CAMTA1: variants seen among roughly 807,000 people sequenced by gnomAD.
CAMTA1 encodes calmodulin-binding transcription activator 1.
CAMTA1 carries 27 observed loss-of-function variants against 170.9 expected under a neutral mutation model. That is an observed-to-expected ratio of 0.16 (90% confidence interval 0.12 to 0.22). The LOEUF (loss-of-function observed/expected upper bound fraction) is 0.22. Ranked by LOEUF, CAMTA1 falls within the 10% of genes least tolerant of loss-of-function variation. The pLI, the probability that CAMTA1 is intolerant of heterozygous loss-of-function variation, is 1.00. For missense variants in CAMTA1, 1,619 were observed against 2,217.2 expected, an observed-to-expected ratio of 0.73 and a Z score of 5.42; for synonymous variants, 833 against 891.5, an observed-to-expected ratio of 0.93 and a Z score of 1.17.
rs1339249526 is a variant in CAMTA1 at position 7,333,033 on chromosome 1, C to T, written c.438+83407C>T. On this transcript the variant is annotated intron_variant, in intron 5 of 22. Transcript: ENST00000303635. The surrounding 1 kb of genome is among the most constrained non-coding windows in gnomAD (Gnocchi z 4.4). Reference sequence around the variant, plus strand: ...TCCATGAGAGGGGGCAAGTGTGAAGCCCTTTATGGTCTGTTTCCTTGCATT... The same window carrying T: ...TCCATGAGAGGGGGCAAGTGTGAAGTCCTTTATGGTCTGTTTCCTTGCATT... 1.3e-5 allele frequency among the ~76,000 whole-genome samples: 2 copies of T among 152,164 alleles called. No individual in the cohort carries two copies. The highest frequency in any genetic ancestry group is 4.8e-5 in the African/African-American group (2 of 41,442).
At chr1:6,981,198 G>A (rs1289897065) in intron 3 of CAMTA1, among the ~76,000 whole-genome samples, 1 of 152,154 alleles carries the variant, frequency 6.6e-6, no homozygotes, top group Non-Finnish European at 1.5e-5. Flanking sequence ...AAGGTGCCAA[G>A]TTGAAGAAAA....
chr1:7,423,875 G>T (rs760022815), intron 5 of CAMTA1, among the ~76,000 whole-genome samples: 10 of 152,112 alleles, frequency 6.6e-5, no homozygotes, highest in Non-Finnish European at 1.2e-4. Flanking sequence ...GGTACGGGGC[G>T]AGAGGACAGA....
chr1:7,416,443 G>T (rs1400396673), intron 5 of CAMTA1, among the ~76,000 whole-genome samples: 2 of 152,172 alleles, frequency 1.3e-5, no homozygotes, highest in Non-Finnish European at 2.9e-5. Flanking sequence ...ATATTTCTTG[G>T]AGACTTTTTT....
intron 5 of CAMTA1, among the ~76,000 whole-genome samples, chr1:7,308,391 T>G (rs1358716161): frequency 6.6e-6 from 1 of 152,064 alleles, no homozygotes; most frequent in African/African-American, 2.4e-5. Context: ...TTTGGCCTGC[T>G]TTGAGCTTAA....
At chr1:7,494,296 T>C (rs371579352) in intron 6 of CAMTA1, among the ~76,000 whole-genome samples, 1 of 152,184 alleles carries the variant, frequency 6.6e-6, no homozygotes, top group East Asian at 1.9e-4. Context: ...TTGCTATAGA[T>C]CAGAAATATT....
chr1:7,401,502 G>C (rs926017605), intron 5 of CAMTA1, among the ~76,000 whole-genome samples: 12 of 151,444 alleles, frequency 7.9e-5, no homozygotes, highest in African/African-American at 2.9e-4. Context: ...ATAAAATTTA[G>C]AATTAGTTTG....
chr1:6,861,865 C>T (rs147095074), intron 3 of CAMTA1, among the ~76,000 whole-genome samples: 2 of 152,270 alleles, frequency 1.3e-5, no homozygotes, highest in East Asian at 3.9e-4. Context: ...ACTCCCCATT[C>T]TCCCTACCCC....
intron 11 of CAMTA1, among the ~76,000 whole-genome samples, chr1:7,725,701 C>T (rs1037320152): frequency 6.6e-6 from 1 of 152,218 alleles, no homozygotes; most frequent in African/African-American, 2.4e-5. Flanking sequence ...CCAGAAGCAT[C>T]AGAACTGCCT....
Position 7,067,245 on chromosome 1 carries a change from C to T in CAMTA1, c.235-24059C>T, listed in dbSNP as rs1041858953. ...AAGAGTTATCTCTGCTTCCTAGGGA[C>T]GAAGGCCTCTCCCGGGGCTGGGAAG... On this transcript the variant is annotated intron_variant, in intron 3 of 22. Transcript: ENST00000303635. This position sits in a 1 kb window ranked among gnomAD's most constrained non-coding sequence, Gnocchi z 4.3. Among the ~76,000 whole-genome samples, 8 of 152,154 alleles carry T rather than the reference C, an allele frequency of 5.3e-5. No individual in the cohort carries two copies. The highest frequency in any genetic ancestry group is 1.9e-4 in the African/African-American group (8 of 41,432).
intron 4 of CAMTA1, among the ~76,000 whole-genome samples, chr1:7,157,676 C>T (rs894434993): frequency 6.6e-6 from 1 of 152,160 alleles, no homozygotes; most frequent in Non-Finnish European, 1.5e-5. Flanking sequence ...CATGACCCAG[C>T]AATTCCTCTC....
intron 6 of CAMTA1, among the ~76,000 whole-genome samples, chr1:7,539,272 G>A (rs10218514): frequency 0.37 from 56,072 of 152,154 alleles, 10,411 homozygotes; most frequent in South Asian, 0.42. Flanking sequence ...GGGACAGGAC[G>A]TGGGCCATCT....
intron 3 of CAMTA1, among the ~76,000 whole-genome samples, chr1:6,962,035 G>A (rs1690513617): frequency 6.6e-6 from 1 of 151,472 alleles, no homozygotes; most frequent in South Asian, 2.1e-4. Context: ...TCAGCCTCCG[G>A]GCTGTCCCCA....
At position 7,286,841 on chromosome 1, in the gene CAMTA1, A is replaced by G. The variant is rs529064015; in HGVS notation, c.438+37215A>G. ...AAGTTATTTAACTTTCCTAAGCCTC[A>G]GTTTCCTCCTCTGAAAATGAGGACA... On this transcript the variant is annotated intron_variant, in intron 5 of 22. Transcript: ENST00000303635. This position sits in a 1 kb window ranked among gnomAD's most constrained non-coding sequence, Gnocchi z 4.2. Among the ~76,000 whole-genome samples, 113 of 152,342 alleles carry G rather than the reference A, an allele frequency of 7.4e-4. No homozygotes were observed. The highest frequency in any genetic ancestry group is 2.7e-3 in the African/African-American group (112 of 41,580).
intron 4 of CAMTA1, among the ~76,000 whole-genome samples, chr1:7,148,540 T>A (rs1475351555): frequency 2.0e-5 from 3 of 151,556 alleles, no homozygotes; most frequent in African/African-American, 7.3e-5. Context: ...GCCACCGGGG[T>A]GTCTTTACCT....
At chr1:7,261,612 G>A (rs779136340) in intron 5 of CAMTA1, among the ~76,000 whole-genome samples, 17 of 152,188 alleles carry the variant, frequency 1.1e-4, no homozygotes, top group African/African-American at 2.2e-4. Context: ...AGAATGCCCC[G>A]TTTCACTAGG....
intron 7 of CAMTA1, among the ~76,000 whole-genome samples, chr1:7,643,281 G>A (rs931056704): frequency 6.6e-6 from 1 of 152,198 alleles, no homozygotes; most frequent in African/African-American, 2.4e-5. Context: ...CCCTTTGCTG[G>A]ACAGAGGCCC....
At chr1:7,453,870 A>G (rs769982681) in intron 5 of CAMTA1, among the ~76,000 whole-genome samples, 2 of 152,100 alleles carry the variant, frequency 1.3e-5, no homozygotes, top group East Asian at 1.9e-4. Context: ...TCATGCTGGG[A>G]CCCGGCCCCC....
chr1:7,382,746 A>C (rs1312674085), intron 5 of CAMTA1: 1 of 152,198 alleles, frequency 6.6e-6, no homozygotes, highest in Non-Finnish European at 1.5e-5. Context: ...GAATAAAAGG[A>C]CAACAATATT....
At chr1:7,182,827 C>G (rs11586448) in intron 4 of CAMTA1, among the ~76,000 whole-genome samples, 5,186 of 152,128 alleles carry the variant, frequency 0.034, 122 homozygotes, top group Middle Eastern at 0.051. Context: ...TTTAAACAAA[C>G]GAAAAGATGT....
Sources: gnomAD v4.1 joint callset for allele counts (sites outside exome capture counted in the v4.1 genomes callset) on GRCh38, gnomAD v4.1.1 for gene constraint, Gnocchi (gnomAD v3.1) non-coding constraint, MANE v1.5 for transcripts, NCBI Gene and HGNC (gene_info 2026-07-23, HGNC 2026-07-21) for gene names.